Variants in PCDHGC4 observed in about 807,000 individuals in gnomAD.
The protein encoded by PCDHGC4 is protocadherin gamma-C4.
A neutral mutation model predicts 59.7 loss-of-function variants in PCDHGC4; 15 were observed. The observed-to-expected ratio is 0.25, with a 90% confidence interval of 0.17 to 0.39. PCDHGC4 has a LOEUF of 0.39. Among genes scored for constraint, PCDHGC4 ranks in the 10% least tolerant of loss-of-function variants. PCDHGC4 has a pLI of 1.00. For synonymous variants in PCDHGC4, 434 were observed against 481.4 expected (o/e 0.90, Z 1.29); for missense variants, 1,016 against 1,189.5 (o/e 0.85, Z 2.15).
Position 141,489,161 on chromosome 5 carries a change from A to T in PCDHGC4, c.2442+1546A>T. ...GCTGGAAGGAGACATAAGAGACTTC[A>T]GCTGCTGCATTCCAAGCCCTGGGTC... On this transcript the variant is annotated intron_variant, in intron 1 of 3. Coordinates refer to ENST00000306593, the MANE Select transcript of PCDHGC4 (RefSeq NM_018928.3). The surrounding 1 kb of genome is among the most constrained non-coding windows in gnomAD (Gnocchi z 4.5). 1.9e-6 allele frequency: 2 copies of T among 1,040,278 alleles called. No individual in the cohort carries two copies. The highest frequency in any genetic ancestry group is 2.8e-6 in the Non-Finnish European group (2 of 709,676). 64.4% of individuals were successfully genotyped at this position (1,040,278 alleles called of 1,614,324 possible).
intron 2 of PCDHGC4, among the ~76,000 whole-genome samples, chr5:141,496,123 C>T (rs2099766207): frequency 6.6e-6 from 1 of 152,098 alleles, no homozygotes; most frequent in African/African-American, 2.4e-5. Flanking sequence ...CTTCCCTGCC[C>T]CTCACACACT....
rs1188870363 is a variant in PCDHGC4 at position 141,490,058 on chromosome 5, C to A, written c.2442+2443C>A. 16 of 1,614,230 alleles carry A rather than the reference C, an allele frequency of 9.9e-6. No individual in the cohort carries two copies. In the East Asian group the frequency reaches 3.6e-4, roughly 36 times the overall value. The stretch of plus-strand genomic sequence containing the variant: ...AATGCCACTGATCCAGACGAGGGCA[C>A]CAACGGCCAACTAGACTATTCTTTT... On this transcript the variant is annotated intron_variant, in intron 1 of 3. Coordinates refer to ENST00000306593, the MANE Select transcript of PCDHGC4 (RefSeq NM_018928.3). This position sits in a 1 kb window ranked among gnomAD's most constrained non-coding sequence, Gnocchi z 5.4.
rs762687404 is a variant in PCDHGC4 at position 141,486,468 on chromosome 5, A to G, written c.1295A>G (p.Asn432Ser). The part of the protein sequence containing the change: ...DIMVTASDAG[N>S]PPLSTHRTIF... Reference sequence around the variant, plus strand: ...ATGGTCACTGCTTCTGATGCTGGGAACCCTCCTCTCAGTACCCACAGAACT... The same window carrying G: ...ATGGTCACTGCTTCTGATGCTGGGAGCCCTCCTCTCAGTACCCACAGAACT... The change falls in exon 1 of 4, where the codon AAC becomes AGC. Residue 432 changes from asparagine (N) to serine (S), a missense_variant. Asn to Ser is a conservative substitution (Grantham distance 46, BLOSUM62 1). Transcript: ENST00000306593. This position sits in a 1 kb window ranked among gnomAD's most constrained non-coding sequence, Gnocchi z 5.0. The G allele has an allele frequency of 1.2e-6, 2 of 1,612,906 alleles. No individual in the cohort carries two copies. Among genetic ancestry groups the G allele is most frequent in the Middle Eastern group, 1.6e-4 (1 of 6,062 alleles).
At position 141,489,599 on chromosome 5, in the gene PCDHGC4, A is replaced by T; in HGVS notation, c.2442+1984A>T. The T allele has an allele frequency of 6.2e-7, 1 of 1,614,020 alleles. No homozygotes were observed. The highest frequency in any genetic ancestry group is 8.5e-7 in the Non-Finnish European group (1 of 1,179,970). On this transcript the variant is annotated intron_variant, in intron 1 of 3. Coordinates refer to ENST00000306593, the MANE Select transcript of PCDHGC4 (RefSeq NM_018928.3). This position sits in a 1 kb window ranked among gnomAD's most constrained non-coding sequence, Gnocchi z 4.5. ...CACCCCCTGGAGCTAATCCGTGTAGAGGTAGAGATCCTGGATCTCAATGAC... is the reference window on the plus strand; with the variant it reads ...CACCCCCTGGAGCTAATCCGTGTAGTGGTAGAGATCCTGGATCTCAATGAC...
intron 2 of PCDHGC4, 88 bp from the exon 3 acceptor site, chr5:141,505,305 C>G (rs1363643214): frequency 1.0e-5 from 16 of 1,595,104 alleles, no homozygotes; most frequent in African/African-American, 2.7e-5. Flanking sequence ...GGTTAGGGTA[C>G]TAGGTTTGGG....
Position 141,511,703 on chromosome 5 carries a change from T to G in PCDHGC4, c.*530T>G, listed in dbSNP as rs148447880. On this transcript the variant is annotated 3_prime_UTR_variant, in exon 4 of 4. Coordinates refer to ENST00000306593, the MANE Select transcript of PCDHGC4 (RefSeq NM_018928.3). ...AAAGCATGGTTTGGTGCCAGCCCCT[T>G]CACCTCCTTCCAGAGCCCAAGATCA... The G allele has an allele frequency of 1.1e-4, 21 of 189,942 alleles. No homozygotes were observed. In the East Asian group the frequency reaches 2.4e-3, roughly 22 times the overall value. 11.8% of individuals were successfully genotyped at this position (189,942 alleles called of 1,614,324 possible).
At chr5:141,498,803 C>T (rs916966107) in intron 2 of PCDHGC4, among the ~76,000 whole-genome samples, 5 of 151,982 alleles carry the variant, frequency 3.3e-5, no homozygotes, top group African/African-American at 1.2e-4. Flanking sequence ...TGTGGTGGTG[C>T]ACACCTGTAG....
rs143362044 is a variant in PCDHGC4, at chr5:141,511,092, C to T, written c.2736C>T (p.Asn912=). The T allele has an allele frequency of 4.5e-5, 73 of 1,614,088 alleles. No homozygotes were observed. Among genetic ancestry groups the T allele is most frequent in the Admixed American group, 1.5e-4 (9 of 60,012 alleles). ...YIPGSNATLT[N]AAGKRDGKAP... is the part of the protein sequence containing the mutation. ...CAGGCAGCAATGCCACACTGACCAA[C>T]GCAGCTGGCAAGCGGGATGGCAAGG... The change falls in exon 4 of 4, where the codon AAC becomes AAT. Residue 912 remains asparagine, a synonymous_variant. Coordinates refer to ENST00000306593, the MANE Select transcript of PCDHGC4 (RefSeq NM_018928.3).
chr5:141,490,585 G>C lies in PCDHGC4; in HGVS notation c.2442+2970G>C. On this transcript the variant is annotated intron_variant, in intron 1 of 3. Transcript: ENST00000306593. The surrounding 1 kb of genome is among the most constrained non-coding windows in gnomAD (Gnocchi z 5.4). Reference sequence around the variant, plus strand: ...CAGGCTCAACATTTCAGATGTCAATGACAATGCACCCCGCTTCAACCAGCA... The same window carrying C: ...CAGGCTCAACATTTCAGATGTCAATCACAATGCACCCCGCTTCAACCAGCA... The C allele has an allele frequency of 6.2e-7, 1 of 1,614,142 alleles. No homozygotes were observed. Among genetic ancestry groups the C allele is most frequent in the South Asian group, 1.1e-5 (1 of 91,078 alleles).
chr5:141,489,314 G>T lies in PCDHGC4; in HGVS notation c.2442+1699G>T. ...TGCATGTTGTCCTTGTGCTGCTGGG[G>T]CTGGGTGTCTGGGCAGCTTCGTTAC... On this transcript the variant is annotated intron_variant, in intron 1 of 3. Transcript: ENST00000306593. This position sits in a 1 kb window ranked among gnomAD's most constrained non-coding sequence, Gnocchi z 4.5. 6.3e-7 allele frequency: 1 copy of T among 1,596,908 alleles called. No individual in the cohort carries two copies. The highest frequency in any genetic ancestry group is 8.5e-7 in the Non-Finnish European group (1 of 1,170,694).
At chr5:141,500,728 T>C (rs556463739) in intron 2 of PCDHGC4, among the ~76,000 whole-genome samples, 1 of 152,310 alleles carries the variant, frequency 6.6e-6, no homozygotes, top group South Asian at 2.1e-4. Context: ...CCCATGTCTT[T>C]CAAAATTCTT....
intron 1 of PCDHGC4, 33 bp from the exon 2 acceptor site, chr5:141,494,774 T>C (rs1462930792): frequency 6.2e-7 from 1 of 1,613,860 alleles, no homozygotes; most frequent in African/African-American, 1.3e-5. Flanking sequence ...TTCTCACGGG[T>C]ACTCAGCCCC....
At chr5:141,506,237 T>G (rs558256375) in intron 3 of PCDHGC4, among the ~76,000 whole-genome samples, 1 of 152,014 alleles carries the variant, frequency 6.6e-6, no homozygotes, top group South Asian at 2.1e-4. Flanking sequence ...GATCATGAGG[T>G]CAGGAGTTCG....
chr5:141,485,768 C>G lies in PCDHGC4; in HGVS notation c.595C>G (p.Pro199Ala). ...GGTCCCAGAGCTGCTCCTGGAGAAG[C>G]CTTTGGATCGAGAGAAGCAATCGGA... ...SLVPELLLEK[P>A]LDREKQSDYR... The change falls in exon 1 of 4, where the codon CCT (proline) becomes GCT (alanine). Residue 199 changes from proline (P) to alanine (A), a missense_variant. Coordinates refer to ENST00000306593, the MANE Select transcript of PCDHGC4 (RefSeq NM_018928.3). The surrounding 1 kb of genome is among the most constrained non-coding windows in gnomAD (Gnocchi z 5.7). 5 of 1,614,192 alleles carry G rather than the reference C, an allele frequency of 3.1e-6. No homozygotes were observed. The South Asian group carries it at 3.3e-5, about 11-fold the overall frequency.
rs776348214 is a variant in PCDHGC4 at position 141,487,781 on chromosome 5, G to A, written c.2442+166G>A. 108 of 1,526,850 alleles carry A rather than the reference G, an allele frequency of 7.1e-5. No individual in the cohort carries two copies. Among genetic ancestry groups the A allele is most frequent in the East Asian group, 3.7e-4 (15 of 40,622 alleles). 94.6% of individuals were successfully genotyped at this position (1,526,850 alleles called of 1,614,324 possible). On this transcript the variant is annotated intron_variant, in intron 1 of 3. Coordinates refer to ENST00000306593, the MANE Select transcript of PCDHGC4 (RefSeq NM_018928.3). This position sits in a 1 kb window ranked among gnomAD's most constrained non-coding sequence, Gnocchi z 5.0. ...AGACGCTGTGCTTTGTAACTGTTTC[G>A]TGAATTAACCAGAGTTGTCACAGTT... is the stretch of plus-strand genomic sequence containing the variant.
chr5:141,491,118 T>C lies in PCDHGC4; in HGVS notation c.2442+3503T>C, dbSNP rs1421005816. Reference sequence around the variant, plus strand: ...TGTTCCTCGTGTCTACACACACTGGTGAGGTGCGCACAGCCCGGGCCTTAC... The same window carrying C: ...TGTTCCTCGTGTCTACACACACTGGCGAGGTGCGCACAGCCCGGGCCTTAC... On this transcript the variant is annotated intron_variant, in intron 1 of 3. Coordinates refer to ENST00000306593, the MANE Select transcript of PCDHGC4 (RefSeq NM_018928.3). This position sits in a 1 kb window ranked among gnomAD's most constrained non-coding sequence, Gnocchi z 6.9. The C allele has an allele frequency of 1.2e-6, 2 of 1,613,926 alleles. No homozygotes were observed. Among genetic ancestry groups the C allele is most frequent in the African/African-American group, 2.7e-5 (2 of 74,890 alleles).
In PCDHGC4 at chr5:141,485,669, T is replaced by G. The variant is rs754363407; in HGVS notation, c.496T>G (p.Ser166Ala). ...TCAGGATGCAGATGTGGGGAGCAATTCGATTAGCAGCTATAGGCTGAGCTC... is the reference window on the plus strand; with the variant it reads ...TCAGGATGCAGATGTGGGGAGCAATGCGATTAGCAGCTATAGGCTGAGCTC... ...KAQDADVGSN[S>A]ISSYRLSSNE... Residue 166 changes from serine (S) to alanine (A), a missense_variant, in exon 1 of 4, where the codon TCG becomes GCG. By Grantham distance (99) the Ser-to-Ala change is moderately conservative. Transcript: ENST00000306593. The surrounding 1 kb of genome is among the most constrained non-coding windows in gnomAD (Gnocchi z 5.7). 1.9e-6 allele frequency: 3 copies of G among 1,612,788 alleles called. 1 individual carries two copies. Among genetic ancestry groups the G allele is most frequent in the Admixed American group, 1.7e-5 (1 of 59,980 alleles).
chr5:141,510,798 A>G, intron 3 of PCDHGC4, 149 bp from the exon 4 acceptor site: 1 of 1,474,326 alleles, frequency 6.8e-7, no homozygotes, highest in South Asian at 1.3e-5. Context: ...GTGAAGAGAG[A>G]CTACCTTGGT....
At position 141,511,411 on chromosome 5, in the gene PCDHGC4, A is replaced by G; in HGVS notation, c.*238A>G. On this transcript the variant is annotated 3_prime_UTR_variant, in exon 4 of 4. Coordinates refer to ENST00000306593, the MANE Select transcript of PCDHGC4 (RefSeq NM_018928.3). ...GAACCCCCATCCAATCAACTGCTGT[A>G]CCCATGGGGGTAGTGGGGTTACTGT... The G allele has an allele frequency of 1.1e-6, 1 of 901,334 alleles. No homozygotes were observed. Among genetic ancestry groups the G allele is most frequent in the Non-Finnish European group, 1.6e-6 (1 of 617,750 alleles). The allele number at this position is 901,334 out of a possible 1,614,324, so 55.8% of individuals were successfully genotyped here. A position where few individuals can be genotyped will look rare whatever the true frequency, so the allele number is the denominator to read the frequency against.
Sources: gnomAD v4.1 joint callset for allele counts (sites outside exome capture counted in the v4.1 genomes callset) on GRCh38, gnomAD v4.1.1 for gene constraint, Gnocchi (gnomAD v3.1) non-coding constraint, MANE v1.5 for transcripts, NCBI Gene and HGNC (gene_info 2026-07-23, HGNC 2026-07-21) for gene names.